Variants in LIN54 observed in about 807,000 individuals in gnomAD.
LIN54 encodes protein lin-54 homolog.
In LIN54, 9 loss-of-function variants were observed where a neutral mutation model predicts 78.7. The ratio of observed to expected loss-of-function variants is 0.11; its 90% CI spans 0.07 to 0.20. LIN54 has a LOEUF of 0.20. Among genes scored for constraint, LIN54 ranks in the 10% least tolerant of loss-of-function variants. LIN54 has a pLI of 1.00. For missense variants in LIN54, 573 were observed against 889.9 expected, an observed-to-expected ratio of 0.64 and a Z score of 4.53; for synonymous variants, 269 against 318.4, an observed-to-expected ratio of 0.84 and a Z score of 1.65.
chr4:82,974,960 A>G (rs1271225558), intron 3 of LIN54, among the ~76,000 whole-genome samples: 1 of 152,180 alleles, frequency 6.6e-6, no homozygotes, highest in African/African-American at 2.4e-5. Flanking sequence ...TAATGGGCAC[A>G]AGATTTCAGT....
chr4:82,932,158 G>A (rs557780134), intron 11 of LIN54, among the ~76,000 whole-genome samples: 2 of 147,148 alleles, frequency 1.4e-5, no homozygotes, highest in African/African-American at 2.5e-5. Flanking sequence ...GCAGTGGCGC[G>A]ATCTCAGCTC....
chr4:82,947,439 T>TGTGTGTG (rs1462667324), intron 4 of LIN54, among the ~76,000 whole-genome samples: 2 of 132,714 alleles, frequency 1.5e-5, no homozygotes, highest in South Asian at 4.7e-4. Context: ...TGTGTGTGTG[T>TGTGTGTG]TAGACACAGG....
intron 4 of LIN54, among the ~76,000 whole-genome samples, chr4:82,958,244 T>C (rs963352553): frequency 2.0e-5 from 3 of 152,240 alleles, no homozygotes; most frequent in Non-Finnish European, 4.4e-5. Flanking sequence ...ATTATGTATA[T>C]ATACAGATGA....
chr4:82,982,999 C>T (rs1475554600), intron 2 of LIN54, among the ~76,000 whole-genome samples: 1 of 139,678 alleles, frequency 7.2e-6, no homozygotes, highest in Non-Finnish European at 1.5e-5. Context: ...TATATCACTG[C>T]ATTTCTTGTT....
intron 5 of LIN54, among the ~76,000 whole-genome samples, chr4:82,942,853 T>C (rs1456644523): frequency 5.6e-5 from 4 of 71,452 alleles, no homozygotes; most frequent in Admixed American, 4.4e-4. Flanking sequence ...TGTGTGCGTG[T>C]GCGCGCGCAC....
At chr4:82,944,894 C>T (rs1283675326) in intron 5 of LIN54, 1 of 152,484 alleles carries the variant, frequency 6.6e-6, no homozygotes, top group African/African-American at 2.4e-5. Flanking sequence ...TGGAGTCTCG[C>T]TCTGTCGCCC....
At position 82,925,105 on chromosome 4, in the gene LIN54, A is replaced by AGAT. The variant is rs1333993732; in HGVS notation, c.*2994_*2996dup. On this transcript the variant is annotated 3_prime_UTR_variant, in exon 13 of 13. Transcript: ENST00000340417. ...TAAGGTTCTGTTTCCCAGACCCCAGAGATAAGACCTACAGGTTGTGTTTAG... is the reference window on the plus strand; with the variant it reads ...TAAGGTTCTGTTTCCCAGACCCCAGAGATGATAAGACCTACAGGTTGTGTTTAG... The AGAT allele has an allele frequency of 2.6e-5, 4 of 152,660 alleles. No individual in the cohort carries two copies. Among genetic ancestry groups the AGAT allele is most frequent in the African/African-American group, 9.6e-5 (4 of 41,468 alleles). The allele number at this position is 152,660 out of a possible 1,614,324, so 9.5% of individuals were successfully genotyped here.
chr4:82,934,680 G>A (rs1722246741), intron 11 of LIN54, among the ~76,000 whole-genome samples: 2 of 152,184 alleles, frequency 1.3e-5, no homozygotes, highest in South Asian at 4.1e-4. Flanking sequence ...CCTTCAGCAA[G>A]TGCAAAGCTA....
At chr4:82,969,300 A>C (rs1725460639) in intron 4 of LIN54, among the ~76,000 whole-genome samples, 2 of 152,170 alleles carry the variant, frequency 1.3e-5, no homozygotes, top group East Asian at 3.8e-4. Flanking sequence ...TCATTAATCC[A>C]TCTATGACCA....
chr4:82,964,722 A>C (rs982380691), intron 4 of LIN54, among the ~76,000 whole-genome samples: 3 of 150,930 alleles, frequency 2.0e-5, no homozygotes, highest in Non-Finnish European at 4.4e-5. Flanking sequence ...AAAAAAAAAG[A>C]AAAAAAAGAA....
At chr4:82,941,174 A>ATATATATATATC (rs1236656168) in intron 5 of LIN54, among the ~76,000 whole-genome samples, 3 of 143,058 alleles carry the variant, frequency 2.1e-5, no homozygotes, top group Non-Finnish European at 4.7e-5. Context: ...ATATATATAT[A>ATATATATATATC]TCGTTGGCAG....
Position 82,928,319 on chromosome 4 carries a change from A to G in LIN54, c.2049-16T>C. Reference sequence around the variant, plus strand: ...AAATGGCAATCTGAAATGATTTTTGAAAGAGAAAGATGATGGTGGTGTTAA... The same window carrying G: ...AAATGGCAATCTGAAATGATTTTTGGAAGAGAAAGATGATGGTGGTGTTAA... On this transcript the variant is annotated splice_polypyrimidine_tract_variant and intron_variant, in intron 12 of 12. Transcript: ENST00000340417. 1 of 1,597,578 alleles carries G rather than the reference A, an allele frequency of 6.3e-7. No homozygotes were observed. The highest frequency in any genetic ancestry group is 8.6e-7 in the Non-Finnish European group (1 of 1,165,076).
chr4:82,993,173 T>G (rs558156123), intron 1 of LIN54, among the ~76,000 whole-genome samples: 1 of 151,726 alleles, frequency 6.6e-6, no homozygotes, highest in Admixed American at 6.6e-5. Context: ...AACTATTATC[T>G]TTACCTCTTT....
intron 4 of LIN54, among the ~76,000 whole-genome samples, chr4:82,952,373 C>G (rs1243016774): frequency 2.0e-5 from 3 of 152,248 alleles, no homozygotes; most frequent in East Asian, 3.9e-4. Context: ...TAAAATGGTG[C>G]TCAGCATTAC....
At position 83,010,581 on chromosome 4, in the gene LIN54, T is replaced by C; in HGVS notation, c.-130A>G. The C allele has an allele frequency of 8.2e-7, 1 of 1,221,250 alleles. No homozygotes were observed. Among genetic ancestry groups the C allele is most frequent in the Non-Finnish European group, 1.0e-6 (1 of 981,440 alleles). The allele number at this position is 1,221,250 out of a possible 1,614,324, so 75.7% of individuals were successfully genotyped here. The stretch of plus-strand genomic sequence containing the variant: ...GCCCCGGCGGGGCTTGTTTTGCCCG[T>C]GCACGATAGCTCTGGCCAGCAGCTT... On this transcript the variant is annotated 5_prime_UTR_variant, in exon 1 of 13. Transcript: ENST00000340417.
chr4:82,995,815 T>G (rs546547810), intron 1 of LIN54, among the ~76,000 whole-genome samples: 2 of 151,748 alleles, frequency 1.3e-5, no homozygotes, highest in South Asian at 4.2e-4. Context: ...TTTGTTTCAA[T>G]CAGGGTCACA....
At chr4:82,944,360 A>C (rs1399451207) in intron 5 of LIN54, among the ~76,000 whole-genome samples, 1 of 152,224 alleles carries the variant, frequency 6.6e-6, no homozygotes, top group Non-Finnish European at 1.5e-5. Context: ...ATATATAATG[A>C]CTGCTTTCTA....
At chr4:82,930,918 TAA>T in intron 12 of LIN54, 23 bp downstream of exon 12, 1 of 1,605,110 alleles carries the variant, frequency 6.2e-7, no homozygotes, top group Non-Finnish European at 8.5e-7. Flanking sequence ...GGAAGTACTA[TAA>T]AAAGATTAAA....
At position 82,930,950 on chromosome 4, in the gene LIN54, C is replaced by T. The variant is rs756619651; in HGVS notation, c.2041G>A (p.Gly681Ser). Residue 681 changes from glycine (G) to serine (S), a missense_variant, in exon 12 of 13, where the codon GGC (glycine) becomes AGC (serine). Gly to Ser is a moderately conservative substitution (Grantham distance 56, BLOSUM62 0). Transcript: ENST00000340417. ...TRPTPALNSG[G>S]GKLPFTFVTK... is the part of the protein sequence containing the mutation. The stretch of plus-strand genomic sequence containing the variant: ...ATTAAAATACTGACTTACTTTCCGC[C>T]TCCACTATTTAAAGCTGGTGTTGGC... 1 of 1,613,818 alleles carries T rather than the reference C, an allele frequency of 6.2e-7. No individual in the cohort carries two copies.
Sources: gnomAD v4.1 joint callset for allele counts (sites outside exome capture counted in the v4.1 genomes callset) on GRCh38, gnomAD v4.1.1 for gene constraint, MANE v1.5 for transcripts, NCBI Gene and HGNC (gene_info 2026-07-23, HGNC 2026-07-21) for gene names.